The following AMPD3 variants were observed in gnomAD, a reference collection of about 807,000 sequenced individuals.
AMPD3 encodes the protein AMP deaminase 3.
In AMPD3, 57 loss-of-function variants were observed where a neutral mutation model predicts 82.3. The ratio of observed to expected loss-of-function variants is 0.69; its 90% CI spans 0.56 to 0.86. The LOEUF (loss-of-function observed/expected upper bound fraction) is 0.86, where lower values mean the gene tolerates loss of function less well. Among genes scored for constraint, AMPD3 ranks in the 40% least tolerant of loss-of-function variants. The pLI is 0.00. For missense variants in AMPD3, 870 were observed against 1,003.8 expected (o/e 0.87, Z 1.80); for synonymous variants, 381 against 394.7 (o/e 0.97, Z 0.41).
intron 6 of AMPD3, among the ~76,000 whole-genome samples, chr11:10,491,450 A>G (rs781399242): frequency 2.0e-5 from 3 of 152,228 alleles, no homozygotes; most frequent in Admixed American, 6.5e-5. Context: ...AGGGTTCAGT[A>G]ACAGAATCAA....
At chr11:10,457,951 A>G (rs1441403794) in intron 1 of AMPD3, among the ~76,000 whole-genome samples, 2 of 151,926 alleles carry the variant, frequency 1.3e-5, no homozygotes, top group South Asian at 4.1e-4. Flanking sequence ...CTGGCATAAG[A>G]GCCCTCAGAC....
In AMPD3 at chr11:10,493,475, C is replaced by A. The variant is rs149809940; in HGVS notation, c.1066C>A (p.Arg356=). The A allele has an allele frequency of 1.9e-6, 3 of 1,614,184 alleles. No homozygotes were observed. In the Admixed American group the frequency reaches 5.0e-5, roughly 27 times the overall value. ...AEKRGRKITL[R]QVFDGLHMDP... Reference sequence around the variant, plus strand: ...GAAGCGGGGCCGGAAGATCACCCTGCGGCAGGTGTTTGACGGCCTGCACAT... The same window carrying A: ...GAAGCGGGGCCGGAAGATCACCCTGAGGCAGGTGTTTGACGGCCTGCACAT... Residue 356 remains arginine, a synonymous_variant, in exon 7 of 15, where the codon CGG becomes AGG. Transcript: ENST00000396553.
chr11:10,500,447 A>T, intron 11 of AMPD3, 198 bp downstream of exon 11: 3 of 540,476 alleles, frequency 5.6e-6, no homozygotes. Context: ...ACATGATCAC[A>T]CACATGCAAA....
chr11:10,451,992 A>T (rs1388909790), upstream of AMPD3, among the ~76,000 whole-genome samples: 2 of 152,124 alleles, frequency 1.3e-5, no homozygotes, highest in Middle Eastern at 3.2e-3. Context: ...CTGCAGCTTC[A>T]TGGGGCCTGG....
At chr11:10,497,913 A>T (rs1198637126) in intron 10 of AMPD3, 2 of 903,256 alleles carry the variant, frequency 2.2e-6, no homozygotes, top group East Asian at 1.2e-4. Context: ...CGGAATTATT[A>T]TGTGCTTGGT....
intron 1 of AMPD3, chr11:10,461,176 C>A: frequency 8.2e-7 from 1 of 1,222,284 alleles, no homozygotes; most frequent in Non-Finnish European, 1.0e-6. Context: ...TCTCTCTTGT[C>A]CCTTCTCAAA....
chr11:10,494,912 T>C lies in AMPD3; in HGVS notation c.1148T>C (p.Phe383Ser). The change falls in exon 8 of 15, where the codon TTC becomes TCC. Residue 383 changes from phenylalanine to serine, a missense_variant. By Grantham distance (155) the Phe-to-Ser change is radical. Transcript: ENST00000396553. The stretch of plus-strand genomic sequence containing the variant: ...CTCCCCCCTCAGGGCCGGCAGACAT[T>C]CCACCGCTTTGACAAGTTCAACTCC... Reference protein sequence around the residue: ...SLDVHAGRQTFHRFDKFNSKY... With the variant: ...SLDVHAGRQTSHRFDKFNSKY... 1 of 1,614,134 alleles carries C rather than the reference T, an allele frequency of 6.2e-7. No individual in the cohort carries two copies. Among genetic ancestry groups the C allele is most frequent in the Non-Finnish European group, 8.5e-7 (1 of 1,180,008 alleles).
chr11:10,481,415 C>A, intron 3 of AMPD3: 1 of 985,306 alleles, frequency 1.0e-6, no homozygotes, highest in Non-Finnish European at 1.2e-6. Flanking sequence ...CAAAAACAGA[C>A]TTTTGGCTTA....
chr11:10,497,302 C>T (rs1353465522), intron 10 of AMPD3, among the ~76,000 whole-genome samples: 14 of 143,012 alleles, frequency 9.8e-5, no homozygotes, highest in African/African-American at 2.3e-4. Flanking sequence ...GTTTTTTTTT[C>T]GGAAATGCAA....
At chr11:10,495,243 GGTATCCACCTT>G in intron 8 of AMPD3, 1 of 985,416 alleles carries the variant, frequency 1.0e-6, no homozygotes, top group Non-Finnish European at 1.2e-6. Context: ...AGGAGGGAAG[GGTATCCACCTT>G]GGCCAAGCTC....
Position 10,497,622 on chromosome 11 carries a change from C to T in AMPD3, c.1557+684C>T, listed in dbSNP as rs1849454477. On this transcript the variant is annotated intron_variant, in intron 10 of 14. Coordinates refer to ENST00000396553, the MANE Select transcript of AMPD3 (RefSeq NM_001025389.2). ...CGGGGAAAGAATTGAGTCTGTGTGC[C>T]CAGAAAGTGACTGGACAAGCTGAGG... is the stretch of plus-strand genomic sequence containing the variant. 7.1e-6 allele frequency: 7 copies of T among 985,150 alleles called. No homozygotes were observed. The South Asian group carries it at 1.9e-4, about 26-fold the overall frequency. The allele number at this position is 985,150 out of a possible 1,614,324, so 61.0% of individuals were successfully genotyped here.
upstream of AMPD3, among the ~76,000 whole-genome samples, chr11:10,453,531 T>G (rs943721822): frequency 1.1e-4 from 17 of 152,092 alleles, no homozygotes; most frequent in African/African-American, 3.9e-4. Flanking sequence ...TGAACCCCTC[T>G]ATGCAAGCTC....
upstream of AMPD3, chr11:10,450,924 C>G: frequency 7.8e-7 from 1 of 1,274,266 alleles, no homozygotes; most frequent in Non-Finnish European, 9.9e-7. Context: ...TGGCCGGGCC[C>G]TGGCCCCGGC....
rs182990148 is a variant in AMPD3, at chr11:10,502,801, C to T, written c.1923C>T (p.Leu641=). The T allele has an allele frequency of 2.2e-5, 36 of 1,614,124 alleles. No homozygotes were observed. The highest frequency in any genetic ancestry group is 2.5e-5 in the Non-Finnish European group (30 of 1,179,962). The part of the protein sequence containing the change: ...MSPLSNNSLF[L]EYSKNPLREF... ...CTCTTAGCAACAACAGTTTGTTCCT[C>T]GAATATTCCAAGAACCCTCTGAGGG... The change falls in exon 13 of 15, where the codon CTC becomes CTT. Residue 641 remains leucine, a synonymous_variant. Coordinates refer to ENST00000396553, the MANE Select transcript of AMPD3 (RefSeq NM_001025389.2).
At chr11:10,490,355 G>A in intron 6 of AMPD3, 1 of 341,354 alleles carries the variant, frequency 2.9e-6, no homozygotes, top group African/African-American at 2.2e-5. Flanking sequence ...TAGCAAATAG[G>A]TTTTACCTTC....
chr11:10,485,777 A>G (rs1849049971), intron 5 of AMPD3, among the ~76,000 whole-genome samples: 1 of 151,934 alleles, frequency 6.6e-6, no homozygotes, highest in African/African-American at 2.4e-5. Flanking sequence ...GCTCATGGGC[A>G]TGGTGCACCA....
At position 10,461,750 on chromosome 11, in the gene AMPD3, C is replaced by G; in HGVS notation, c.221+10C>G. ...TGGAGACCGCAAAAAGGTTTGTTCCCAAGGCATGGTTTTCGTGTACATAGA... is the reference window on the plus strand; with the variant it reads ...TGGAGACCGCAAAAAGGTTTGTTCCGAAGGCATGGTTTTCGTGTACATAGA... On this transcript the variant is annotated intron_variant, in intron 2 of 14. Transcript: ENST00000396553. The G allele has an allele frequency of 6.3e-7, 1 of 1,597,648 alleles. No individual in the cohort carries two copies. Among genetic ancestry groups the G allele is most frequent in the Non-Finnish European group, 8.5e-7 (1 of 1,171,614 alleles).
intron 11 of AMPD3, chr11:10,501,186 A>G (rs1849569581): frequency 1.0e-6 from 1 of 985,322 alleles, no homozygotes. Flanking sequence ...TGCGGGACAC[A>G]AGGCCAGGAG....
chr11:10,500,899 G>A (rs752730075), intron 11 of AMPD3: 72 of 985,274 alleles, frequency 7.3e-5, no homozygotes, highest in Non-Finnish European at 8.6e-5. Flanking sequence ...TCCCCTGCTG[G>A]GCCCTGGGGT....
Sources: allele counts gnomAD v4.1 joint callset (sites outside exome capture counted in the v4.1 genomes callset), GRCh38; gene constraint gnomAD v4.1.1; transcripts MANE v1.5; gene names NCBI Gene and HGNC (gene_info 2026-07-23, HGNC 2026-07-21).